Variants in COPS2 observed in about 807,000 individuals in gnomAD.
COPS2 encodes COP9 signalosome complex subunit 2.
A neutral mutation model predicts 66.1 loss-of-function variants in COPS2; 10 were observed. The ratio of observed to expected loss-of-function variants is 0.15; its 90% CI spans 0.09 to 0.26. COPS2 has a LOEUF of 0.26. Ranked by LOEUF, COPS2 falls within the 10% of genes least tolerant of loss-of-function variation. The pLI is 1.00. For missense variants in COPS2, 215 were observed against 513.3 expected, an observed-to-expected ratio of 0.42 and a Z score of 5.62; for synonymous variants, 179 against 171.3, an observed-to-expected ratio of 1.04 and a Z score of -0.35.
At chr15:49,145,513 AT>A (rs1365774888) in intron 1 of COPS2, among the ~76,000 whole-genome samples, 1 of 152,152 alleles carries the variant, frequency 6.6e-6, no homozygotes, top group East Asian at 1.9e-4. Flanking sequence ...AAATTTCATT[AT>A]TGTAACACGG....
At position 49,127,278 on chromosome 15, in the gene COPS2, T is replaced by G. The variant is rs936167086; in HGVS notation, c.*672A>C. The G allele has an allele frequency of 1.3e-5, 2 of 152,542 alleles. No homozygotes were observed. The highest frequency in any genetic ancestry group is 4.8e-5 in the African/African-American group (2 of 41,440). 9.4% of individuals were successfully genotyped at this position (152,542 alleles called of 1,614,324 possible). A position where few individuals can be genotyped will look rare whatever the true frequency, so the allele number is the denominator to read the frequency against. On this transcript the variant is annotated 3_prime_UTR_variant, in exon 13 of 13. Coordinates refer to ENST00000388901, the MANE Select transcript of COPS2 (RefSeq NM_004236.4). ...ATCATTAACTGAAGATAAAATAATT[T>G]GAAATTTCGAAGGTACTAAAAAACA...
At chr15:49,155,427 C>CG in intron 1 of COPS2, 98 bp downstream of exon 1, 1 of 1,099,896 alleles carries the variant, frequency 9.1e-7, no homozygotes, top group Non-Finnish European at 1.4e-6. Context: ...AGGCTGTAAA[C>CG]GGCACATGCT....
intron 9 of COPS2, among the ~76,000 whole-genome samples, chr15:49,132,988 A>ATTTT (rs35969483): frequency 1.5e-5 from 2 of 130,922 alleles, no homozygotes; most frequent in African/African-American, 2.9e-5. Context: ...CATTGTAAAC[A>ATTTT]TTTTTTTTTT....
intron 1 of COPS2, among the ~76,000 whole-genome samples, chr15:49,150,586 G>T (rs1444816527): frequency 6.6e-6 from 1 of 152,152 alleles, no homozygotes; most frequent in Non-Finnish European, 1.5e-5. Flanking sequence ...CATTAAAACT[G>T]CTATACCATA....
chr15:49,152,000 CG>C (rs1009631110), intron 1 of COPS2, among the ~76,000 whole-genome samples: 1 of 151,396 alleles, frequency 6.6e-6, no homozygotes, highest in Non-Finnish European at 1.5e-5. Flanking sequence ...TATCATTGGA[CG>C]ACCAATAAAG....
chr15:49,130,998 T>C (rs1006699656), intron 9 of COPS2, among the ~76,000 whole-genome samples, 182 bp from the exon 10 acceptor site: 5 of 152,160 alleles, frequency 3.3e-5, no homozygotes, highest in African/African-American at 1.2e-4. Context: ...AACATAAATT[T>C]CCTTTTCATG....
At chr15:49,138,867 A>G (rs1362960494) in intron 4 of COPS2, among the ~76,000 whole-genome samples, 2 of 152,218 alleles carry the variant, frequency 1.3e-5, no homozygotes, top group African/African-American at 4.8e-5. Flanking sequence ...AGAGGACGAA[A>G]AACTAAAACT....
intron 2 of COPS2, 124 bp downstream of exon 2, chr15:49,144,841 G>T: frequency 1.8e-6 from 1 of 570,408 alleles, no homozygotes; most frequent in Non-Finnish European, 3.0e-6. Context: ...GCTGCCTAAT[G>T]CTAACTGATA....
At chr15:49,134,688 A>C (rs1205199240) in intron 6 of COPS2, among the ~76,000 whole-genome samples, 174 bp from the exon 7 acceptor site, 2 of 152,216 alleles carry the variant, frequency 1.3e-5, no homozygotes, top group African/African-American at 4.8e-5. Flanking sequence ...AAAAGAAACT[A>C]ATACATCCTT....
In COPS2 at chr15:49,122,737, AT is replaced by A. The variant is rs993609210; in HGVS notation, c.*5212del. 6.6e-6 allele frequency: 1 copy of A among 152,194 alleles called. No individual in the cohort carries two copies. The highest frequency in any genetic ancestry group is 2.4e-5 in the African/African-American group (1 of 41,444). The allele number at this position is 152,194 out of a possible 1,614,324, so 9.4% of individuals were successfully genotyped here. A position where few individuals can be genotyped will look rare whatever the true frequency, so the allele number is the denominator to read the frequency against. On this transcript the variant is annotated 3_prime_UTR_variant, in exon 13 of 13. Coordinates refer to ENST00000388901, the MANE Select transcript of COPS2 (RefSeq NM_004236.4). ...TAAATACTTAAGAAGTAGATTACGT[AT>A]TTTTTATTACCAATAAGGAATGTGC...
rs1225976196 is a variant in COPS2, at chr15:49,124,735, T to C, written c.*3215A>G. 6.6e-6 allele frequency: 1 copy of C among 152,212 alleles called. No individual in the cohort carries two copies. Among genetic ancestry groups the C allele is most frequent in the Non-Finnish European group, 1.5e-5 (1 of 68,032 alleles). The allele number at this position is 152,212 out of a possible 1,614,324, so 9.4% of individuals were successfully genotyped here. A position where few individuals can be genotyped will look rare whatever the true frequency, so the allele number is the denominator to read the frequency against. On this transcript the variant is annotated 3_prime_UTR_variant, in exon 13 of 13. Transcript: ENST00000388901. Reference sequence around the variant, plus strand: ...ATATGAAGAATGAAACTCCCAGCTTTACTTGTGTATGCTCAAGCCTCACTT... The same window carrying C: ...ATATGAAGAATGAAACTCCCAGCTTCACTTGTGTATGCTCAAGCCTCACTT...
intron 3 of COPS2, among the ~76,000 whole-genome samples, chr15:49,141,583 T>C (rs552614528): frequency 6.6e-6 from 1 of 152,274 alleles, no homozygotes; most frequent in African/African-American, 2.4e-5. Context: ...AATTACATTC[T>C]AATTAAAGAC....
intron 6 of COPS2, 150 bp downstream of exon 6, chr15:49,137,000 A>AG: frequency 1.6e-6 from 1 of 616,710 alleles, no homozygotes; most frequent in East Asian, 3.1e-5. Context: ...CTCAAAAAAA[A>AG]AAAGATAATT....
rs1566881653 is a variant in COPS2, at chr15:49,130,829, C to G, written c.948-13G>C. The G allele has an allele frequency of 7.2e-7, 1 of 1,389,396 alleles. No homozygotes were observed. The highest frequency in any genetic ancestry group is 1.7e-5 in the Admixed American group (1 of 59,042). 86.1% of individuals were successfully genotyped at this position (1,389,396 alleles called of 1,614,324 possible). On this transcript the variant is annotated splice_polypyrimidine_tract_variant and intron_variant, in intron 9 of 12. Transcript: ENST00000388901. ...ATTCTGATAGGCACTAATAGAAAAACAAAGTGTAAATTATGTCAAACATGA... is the reference window on the plus strand; with the variant it reads ...ATTCTGATAGGCACTAATAGAAAAAGAAAGTGTAAATTATGTCAAACATGA...
intron 11 of COPS2, 104 bp downstream of exon 11, chr15:49,129,373 T>C (rs1194432342): frequency 1.8e-5 from 8 of 438,062 alleles, no homozygotes; most frequent in Non-Finnish European, 3.2e-5. Flanking sequence ...TGTATTATTA[T>C]AATAAAATGT....
chr15:49,132,689 T>C (rs2084220532), intron 9 of COPS2, among the ~76,000 whole-genome samples: 1 of 151,968 alleles, frequency 6.6e-6, no homozygotes, highest in Admixed American at 6.5e-5. Flanking sequence ...AGTAAATTTC[T>C]TATACTTTTT....
chr15:49,146,502 A>G (rs2084321957), intron 1 of COPS2, among the ~76,000 whole-genome samples: 1 of 152,190 alleles, frequency 6.6e-6, no homozygotes, highest in Non-Finnish European at 1.5e-5. Context: ...TGGGTTTTGA[A>G]AGATAAATGG....
At chr15:49,141,614 T>C (rs1482587354) in intron 3 of COPS2, among the ~76,000 whole-genome samples, 2 of 152,182 alleles carry the variant, frequency 1.3e-5, no homozygotes, top group African/African-American at 4.8e-5. Flanking sequence ...GTAGGTAAAT[T>C]GGTCCCAGAG....
intron 12 of COPS2, among the ~76,000 whole-genome samples, chr15:49,128,338 A>G (rs2084184248): frequency 6.6e-6 from 1 of 152,238 alleles, no homozygotes; most frequent in Admixed American, 6.5e-5. Context: ...CGATTAATCA[A>G]AGGCAAGTAT....
Sources: gnomAD v4.1 joint callset for allele counts (sites outside exome capture counted in the v4.1 genomes callset) on GRCh38, gnomAD v4.1.1 for gene constraint, MANE v1.5 for transcripts, NCBI Gene and HGNC (gene_info 2026-07-23, HGNC 2026-07-21) for gene names.